MED23: variants seen among roughly 807,000 people sequenced by gnomAD.
The protein encoded by MED23 is mediator complex subunit 23.
A neutral mutation model predicts 163.9 loss-of-function variants in MED23; 105 were observed. The ratio of observed to expected loss-of-function variants is 0.64; its 90% CI spans 0.55 to 0.75. MED23 has a LOEUF of 0.75. Among genes scored for constraint, MED23 ranks in the 30% least tolerant of loss-of-function variants. The pLI is 0.00. For synonymous variants in MED23, 561 were observed against 565.6 expected, an observed-to-expected ratio of 0.99 and a Z score of 0.12; for missense variants, 1,054 against 1,649.0, an observed-to-expected ratio of 0.64 and a Z score of 6.25.
chr6:131,618,042 T>C (rs896886160), intron 9 of MED23, among the ~76,000 whole-genome samples: 1 of 152,230 alleles, frequency 6.6e-6, no homozygotes, highest in East Asian at 1.9e-4. Flanking sequence ...AATAACTTGA[T>C]AGCACAGGTG....
intron 3 of MED23, chr6:131,626,877 A>C (rs1221658604): frequency 2.6e-5 from 4 of 156,198 alleles, no homozygotes; most frequent in Non-Finnish European, 5.6e-5. Context: ...CGAGGATGAC[A>C]CATTTTTGTC....
intron 25 of MED23, chr6:131,592,091 A>C (rs1309636516): frequency 1.6e-5 from 7 of 425,120 alleles, no homozygotes; most frequent in Non-Finnish European, 3.0e-5. Context: ...TTAAGTGGCC[A>C]AGAGTAGATC....
chr6:131,587,614 T>C lies in MED23; in HGVS notation c.*65A>G, dbSNP rs1774262773. 11 of 1,611,188 alleles carry C rather than the reference T, an allele frequency of 6.8e-6. No individual in the cohort carries two copies. In the South Asian group the frequency reaches 1.2e-4, roughly 18 times the overall value. On this transcript the variant is annotated 3_prime_UTR_variant, in exon 29 of 29. Coordinates refer to ENST00000368068, the MANE Select transcript of MED23 (RefSeq NM_004830.4). ...ACTACAGTGTGATCGCATTCAGATT[T>C]AAAAGGTTTGAGTCCACTCTCAAAG... is the stretch of plus-strand genomic sequence containing the variant.
At chr6:131,583,635 T>C, downstream of MED23, 1 of 1,520,864 alleles carries the variant, frequency 6.6e-7, no homozygotes, top group Non-Finnish European at 9.0e-7. Flanking sequence ...GTGTTTTCCA[T>C]CGGTTACTAC....
At chr6:131,592,930 C>A in intron 24 of MED23, 76 bp downstream of exon 24, 2 of 1,564,968 alleles carry the variant, frequency 1.3e-6, no homozygotes, top group Non-Finnish European at 1.8e-6. Flanking sequence ...ACAGGTTTGT[C>A]TTAAAAGTTT....
Position 131,616,014 on chromosome 6 carries a change from A to G in MED23, c.781-12T>C. On this transcript the variant is annotated splice_polypyrimidine_tract_variant and intron_variant, in intron 9 of 28. Coordinates refer to ENST00000368068, the MANE Select transcript of MED23 (RefSeq NM_004830.4). ...GGTTCAAACAGATCCTTTAAAGAAA[A>G]TAAGAAAATCATTGCTTCAAGATCA... 1 of 1,591,456 alleles carries G rather than the reference A, an allele frequency of 6.3e-7. No homozygotes were observed. The highest frequency in any genetic ancestry group is 1.1e-5 in the South Asian group (1 of 90,554).
Position 131,622,070 on chromosome 6 carries a change from C to T in MED23, c.397-91G>A, listed in dbSNP as rs998117593. On this transcript the variant is annotated intron_variant, in intron 5 of 28. Coordinates refer to ENST00000368068, the MANE Select transcript of MED23 (RefSeq NM_004830.4). ...AAGGTTTCAGGGTGATATATTCCTT[C>T]AAGGTCACACCTTTAAATTTTCTGA... The T allele has an allele frequency of 2.6e-5, 22 of 839,770 alleles. No homozygotes were observed. In the Admixed American group the frequency reaches 3.7e-4, roughly 14 times the overall value. 52.0% of individuals were successfully genotyped at this position (839,770 alleles called of 1,614,324 possible). A position where few individuals can be genotyped will look rare whatever the true frequency, so the allele number is the denominator to read the frequency against.
At chr6:131,601,324 T>C (rs1294550867) in intron 17 of MED23, among the ~76,000 whole-genome samples, 2 of 152,222 alleles carry the variant, frequency 1.3e-5, no homozygotes, top group African/African-American at 2.4e-5. Context: ...TTTCTGATAC[T>C]GTATAAACAA....
rs143711527 is a variant in MED23 at position 131,587,737 on chromosome 6, C to T, written c.4049G>A (p.Ser1350Asn). The T allele has an allele frequency of 3.1e-6, 5 of 1,614,058 alleles. No homozygotes were observed. In the African/African-American group the frequency reaches 6.7e-5, roughly 22 times the overall value. ...ATTAGACTGAGGTGCTGGAGACCCA[C>T]TGTTCATGGCTTGTGGAGGCACTGC... ...PAAVPPQAMN[S>N]GSPAPQSNQV... The change falls in exon 29 of 29, where the codon AGT becomes AAT. Residue 1350 changes from serine (S) to asparagine (N), a missense_variant. Around this residue, in one of 11 missense-constraint regions of MED23, gnomAD observed 362 missense variants for 471.6 expected, o/e 0.77. Transcript: ENST00000368068.
At chr6:131,589,732 C>A in intron 27 of MED23, 136 bp from the exon 28 acceptor site, 1 of 773,924 alleles carries the variant, frequency 1.3e-6, no homozygotes, top group South Asian at 1.5e-5. Flanking sequence ...ACCATATACA[C>A]CTCTATGCAC....
chr6:131,602,726 G>C (rs1775577106), intron 16 of MED23, among the ~76,000 whole-genome samples: 1 of 151,986 alleles, frequency 6.6e-6, no homozygotes, highest in Admixed American at 6.6e-5. Context: ...ACCATAATCT[G>C]AAGTATACTT....
intron 11 of MED23, 142 bp downstream of exon 11, chr6:131,609,901 TAAG>T (rs1342696421): frequency 1.3e-6 from 1 of 746,594 alleles, no homozygotes; most frequent in Non-Finnish European, 2.2e-6. Context: ...AGTAAAAAGT[TAAG>T]AAACTATAAA....
intron 11 of MED23, among the ~76,000 whole-genome samples, chr6:131,609,727 C>T (rs1375037225): frequency 1.4e-5 from 2 of 145,584 alleles, no homozygotes; most frequent in Admixed American, 6.9e-5. Context: ...TATATATATA[C>T]ACATACATAT....
intron 4 of MED23, among the ~76,000 whole-genome samples, chr6:131,624,504 TA>T (rs1777341127): frequency 6.6e-6 from 1 of 152,150 alleles, no homozygotes; most frequent in Admixed American, 6.5e-5. Flanking sequence ...TGACCTTGAG[TA>T]AAAAGTGTCT....
At chr6:131,614,036 T>G (rs1776472149) in intron 10 of MED23, among the ~76,000 whole-genome samples, 2 of 152,148 alleles carry the variant, frequency 1.3e-5, no homozygotes, top group African/African-American at 2.4e-5. Flanking sequence ...AAACATAGCA[T>G]GAAGCATTCT....
downstream of MED23, chr6:131,583,096 A>G: frequency 1.2e-6 from 2 of 1,613,858 alleles, no homozygotes; most frequent in Non-Finnish European, 1.7e-6. Flanking sequence ...AATACTTTTC[A>G]ATGACTGAAG....
In MED23 at chr6:131,608,078, A is replaced by C; in HGVS notation, c.1078-7T>G. 1.2e-6 allele frequency: 2 copies of C among 1,613,530 alleles called. No individual in the cohort carries two copies. The highest frequency in any genetic ancestry group is 1.7e-6 in the Non-Finnish European group (2 of 1,179,726). On this transcript the variant is annotated splice_polypyrimidine_tract_variant and splice_region_variant and intron_variant, in intron 11 of 28. Transcript: ENST00000368068. ...TCAGTCCTCGCCCTGCTAACTATAA[A>C]AGATGTTTAAATACACATGTATACA...
intron 30 of MED23, chr6:131,579,408 C>T: frequency 8.2e-7 from 1 of 1,216,434 alleles, no homozygotes; most frequent in South Asian, 1.5e-5. Context: ...ATCAAATTTT[C>T]TGCCTTTAAA....
rs750615192 is a variant in MED23 at position 131,598,640 on chromosome 6, G to A, written c.2342C>T (p.Ser781Phe). The A allele has an allele frequency of 1.9e-6, 3 of 1,614,132 alleles. No individual in the cohort carries two copies. Among genetic ancestry groups the A allele is most frequent in the Non-Finnish European group, 2.5e-6 (3 of 1,180,018 alleles). ...AAAGAGAGGAGGGGAGCCCTGCATA[G>A]AGAAGTGGGTAATAATGTCGTTTTC... ...SNENDIITHF[S>F]MQGSPPLFLC... The change falls in exon 19 of 29, where the codon TCT (serine) becomes TTT (phenylalanine). Residue 781 changes from serine to phenylalanine, a missense_variant. Physicochemically the swap from Ser to Phe is radical, Grantham distance 155. Around this residue, in one of 11 missense-constraint regions of MED23, gnomAD observed 228 missense variants for 461.3 expected, o/e 0.49. Coordinates refer to ENST00000368068, the MANE Select transcript of MED23 (RefSeq NM_004830.4). The surrounding 1 kb of genome is among the most constrained non-coding windows in gnomAD (Gnocchi z 4.7).
Sources: allele counts gnomAD v4.1 joint callset (sites outside exome capture counted in the v4.1 genomes callset), GRCh38; gene constraint gnomAD v4.1.1; regional missense constraint gnomAD v4.1.1; non-coding constraint Gnocchi (gnomAD v3.1); transcripts MANE v1.5; gene names NCBI Gene and HGNC (gene_info 2026-07-23, HGNC 2026-07-21).